Variants in NUP43 observed in about 807,000 individuals in gnomAD.
NUP43 encodes the protein nucleoporin 43.
A neutral mutation model predicts 47.3 loss-of-function variants in NUP43; 32 were observed. That is an observed-to-expected ratio of 0.68 (90% CI 0.51 to 0.91). The LOEUF is 0.91. Among genes scored for constraint, NUP43 ranks in the 40% least tolerant of loss-of-function variants. The pLI, the probability that NUP43 is intolerant of heterozygous loss-of-function variation, is 0.00. For missense variants in NUP43, 444 were observed against 453.9 expected, an observed-to-expected ratio of 0.98 and a Z score of 0.20; for synonymous variants, 147 against 158.4, an observed-to-expected ratio of 0.93 and a Z score of 0.54.
chr6:149,729,577 A>G, intron 7 of NUP43: 1 of 964,962 alleles, frequency 1.0e-6, no homozygotes, highest in Non-Finnish European at 1.2e-6. Flanking sequence ...GGTACTAACA[A>G]TTACTATTTC....
chr6:149,747,028 A>G (rs1393322462), upstream of NUP43, among the ~76,000 whole-genome samples: 1 of 151,898 alleles, frequency 6.6e-6, no homozygotes, highest in Non-Finnish European at 1.5e-5. Flanking sequence ...ATTCTGAAAG[A>G]CTCCAGTTTT....
chr6:149,733,472 C>T (rs1392413058), intron 6 of NUP43, among the ~76,000 whole-genome samples: 1 of 152,136 alleles, frequency 6.6e-6, no homozygotes, highest in Non-Finnish European at 1.5e-5. Flanking sequence ...GAAACAGGGT[C>T]TTGCTCTGGC....
intron 5 of NUP43, 119 bp downstream of exon 5, chr6:149,738,524 T>C: frequency 1.5e-6 from 1 of 662,506 alleles, no homozygotes; most frequent in Non-Finnish European, 2.3e-6. Flanking sequence ...CAAATTTTAA[T>C]CAGGGATCTC....
rs149049966 is a variant in NUP43, at chr6:149,732,155, C to A, written c.791-420G>T. 8.1e-3 allele frequency among the ~76,000 whole-genome samples: 1,163 copies of A among 143,014 alleles called. 17 individuals are homozygous for A. The highest frequency in any genetic ancestry group is 0.028 in the African/African-American group (1,068 of 38,352). 93.8% of individuals were successfully genotyped at this position (143,014 alleles called of 152,430 possible). On this transcript the variant is annotated intron_variant, in intron 6 of 7. Coordinates refer to ENST00000340413, the MANE Select transcript of NUP43 (RefSeq NM_198887.3). Reference sequence around the variant, plus strand: ...CGAGCTCGCACCACTGCACTCCAGCCTGGGCGACAAAGTGAGACACTGTCT... The same window carrying A: ...CGAGCTCGCACCACTGCACTCCAGCATGGGCGACAAAGTGAGACACTGTCT...
At chr6:149,748,426 G>C (rs536981553), upstream of NUP43, among the ~76,000 whole-genome samples, 1 of 152,242 alleles carries the variant, frequency 6.6e-6, no homozygotes, top group Non-Finnish European at 1.5e-5. Flanking sequence ...AAGCAGGCCA[G>C]TGTCACATTT....
chr6:149,743,348 C>A (rs1409332350), intron 3 of NUP43, among the ~76,000 whole-genome samples: 1 of 151,948 alleles, frequency 6.6e-6, no homozygotes, highest in East Asian at 1.9e-4. Context: ...ACCTGTAATC[C>A]CAGCACTTTG....
chr6:149,728,637 C>T (rs904952350), intron 7 of NUP43, among the ~76,000 whole-genome samples: 1 of 151,128 alleles, frequency 6.6e-6, no homozygotes, highest in African/African-American at 2.4e-5. Flanking sequence ...CTTTTCTCCT[C>T]CCCCTCCCAT....
At chr6:149,734,797 CA>C (rs529323368) in intron 6 of NUP43, among the ~76,000 whole-genome samples, 78 of 85,374 alleles carry the variant, frequency 9.1e-4, no homozygotes, top group Non-Finnish European at 1.1e-3. Context: ...GACTCTGTCT[CA>C]AAAAAAAAAA....
At chr6:149,741,535 C>T (rs139590243) in intron 4 of NUP43, among the ~76,000 whole-genome samples, 197 of 151,642 alleles carry the variant, frequency 1.3e-3, no homozygotes, top group Non-Finnish European at 1.9e-3. Flanking sequence ...TAGATGAAGT[C>T]TCTCTCTGTC....
intron 2 of NUP43, among the ~76,000 whole-genome samples, chr6:149,744,739 G>A (rs1416743753): frequency 1.3e-5 from 2 of 151,298 alleles, no homozygotes; most frequent in African/African-American, 2.4e-5. Flanking sequence ...GGGAGGCTGA[G>A]GCAGGAGAAT....
At chr6:149,744,108 T>C (rs1785828922) in intron 2 of NUP43, among the ~76,000 whole-genome samples, 1 of 152,070 alleles carries the variant, frequency 6.6e-6, no homozygotes, top group Non-Finnish European at 1.5e-5. Flanking sequence ...GCCTCGTCTC[T>C]ACAAAAATAC....
At chr6:149,736,369 G>A in intron 6 of NUP43, 102 bp downstream of exon 6, 3 of 701,600 alleles carry the variant, frequency 4.3e-6, no homozygotes, top group Admixed American at 6.2e-5. Flanking sequence ...GCCATTAAAA[G>A]CTATGATGTA....
At chr6:149,742,364 G>A in intron 4 of NUP43, 26 bp downstream of exon 4, 1 of 1,608,682 alleles carries the variant, frequency 6.2e-7, no homozygotes, top group South Asian at 1.1e-5. Flanking sequence ...GTTTCGCCAT[G>A]TTGGCCAGGC....
intron 4 of NUP43, among the ~76,000 whole-genome samples, chr6:149,740,231 A>G (rs1018279723): frequency 8.0e-5 from 11 of 137,988 alleles, no homozygotes; most frequent in Non-Finnish European, 1.4e-4. Context: ...AGCTGGGATC[A>G]TGCCACTGCA....
intron 6 of NUP43, among the ~76,000 whole-genome samples, chr6:149,733,065 G>A (rs1785143075): frequency 6.6e-6 from 1 of 151,924 alleles, no homozygotes; most frequent in Admixed American, 6.6e-5. Flanking sequence ...GTCTTTTACG[G>A]AAAAGTTTTT....
intron 7 of NUP43, 51 bp downstream of exon 7, chr6:149,731,562 T>TAAAAAA: frequency 1.5e-6 from 2 of 1,293,368 alleles, no homozygotes; most frequent in South Asian, 1.5e-5. Flanking sequence ...GACTCTGTCT[T>TAAAAAA]AAAAAAAAAA....
rs1189279818 is a variant in NUP43 at position 149,726,732 on chromosome 6, T to A, written c.*237A>T. 6 of 522,684 alleles carry A rather than the reference T, an allele frequency of 1.1e-5. No individual in the cohort carries two copies. The East Asian group carries it at 1.7e-4, about 15-fold the overall frequency. 32.4% of individuals were successfully genotyped at this position (522,684 alleles called of 1,614,324 possible). On this transcript the variant is annotated 3_prime_UTR_variant, in exon 8 of 8. Coordinates refer to ENST00000340413, the MANE Select transcript of NUP43 (RefSeq NM_198887.3). ...GGCAACCTATTCATCAGCACCAGAA[T>A]CCCACTGATTTTCTTCCACATGTTC...
chr6:149,738,530 A>C, intron 5 of NUP43, 113 bp downstream of exon 5: 8 of 681,830 alleles, frequency 1.2e-5, no homozygotes, highest in African/African-American at 1.8e-5. Flanking sequence ...TTAATCAGGG[A>C]TCTCCCTCTT....
intron 1 of NUP43, 79 bp downstream of exon 1, chr6:149,746,297 G>C: frequency 6.4e-7 from 1 of 1,568,552 alleles, no homozygotes; most frequent in African/African-American, 1.4e-5. Flanking sequence ...GAAGGTGGGA[G>C]TTGGCGCGCG....
Sources: allele counts gnomAD v4.1 joint callset (sites outside exome capture counted in the v4.1 genomes callset), GRCh38; gene constraint gnomAD v4.1.1; transcripts MANE v1.5; gene names NCBI Gene and HGNC (gene_info 2026-07-23, HGNC 2026-07-21).